Variants in LRGUK observed in about 807,000 individuals in gnomAD.
LRGUK encodes leucine-rich repeat and guanylate kinase domain-containing protein.
In LRGUK, 65 loss-of-function variants were observed where a neutral mutation model predicts 76.0. The observed-to-expected ratio is 0.85, with a 90% CI of 0.70 to 1.05. The LOEUF is 1.05. Among genes scored for constraint, LRGUK ranks in the 50% least tolerant of loss-of-function variants. LRGUK has a pLI of 0.00. For synonymous variants in LRGUK, 268 were observed against 265.6 expected, an observed-to-expected ratio of 1.01 and a Z score of -0.09; for missense variants, 758 against 732.8, an observed-to-expected ratio of 1.03 and a Z score of -0.40.
chr7:134,160,372 C>T (rs1798672506), intron 6 of LRGUK, among the ~76,000 whole-genome samples: 1 of 152,112 alleles, frequency 6.6e-6, no homozygotes, highest in African/African-American at 2.4e-5. Flanking sequence ...CACCCAAGAT[C>T]AACTAGAATA....
At chr7:134,174,457 A>C in intron 7 of LRGUK, 99 bp from the exon 8 acceptor site, 2 of 725,322 alleles carry the variant, frequency 2.8e-6, no homozygotes, top group Non-Finnish European at 4.8e-6. Context: ...TTTTAAAATA[A>C]GTTGAATTTA....
chr7:134,201,699 TC>T, intron 15 of LRGUK, 123 bp downstream of exon 15: 1 of 638,416 alleles, frequency 1.6e-6, no homozygotes, highest in Non-Finnish European at 2.7e-6. Flanking sequence ...TTCCTGTACT[TC>T]TTCTGGGGCA....
intron 1 of LRGUK, among the ~76,000 whole-genome samples, chr7:134,131,111 G>C (rs1240690418): frequency 6.6e-6 from 1 of 152,186 alleles, no homozygotes; most frequent in Non-Finnish European, 1.5e-5. Context: ...TGACTGTACA[G>C]AGCAGAAGTT....
chr7:134,234,992 A>G (rs1035926224), intron 16 of LRGUK, among the ~76,000 whole-genome samples: 1 of 152,200 alleles, frequency 6.6e-6, no homozygotes, highest in Non-Finnish European at 1.5e-5. Context: ...TCTGGAATCC[A>G]GAATCTGCCC....
intron 16 of LRGUK, among the ~76,000 whole-genome samples, chr7:134,224,741 G>A (rs540830890): frequency 6.6e-6 from 1 of 152,234 alleles, no homozygotes; most frequent in Admixed American, 6.5e-5. Context: ...GTTAGAAAAT[G>A]TTGGGGCCTA....
intron 1 of LRGUK, 94 bp from the exon 2 acceptor site, chr7:134,136,928 TA>T: frequency 9.3e-7 from 1 of 1,079,674 alleles, no homozygotes; most frequent in Non-Finnish European, 1.4e-6. Context: ...CTCCTGGGTA[TA>T]AAATATACTA....
chr7:134,273,089 G>A, the LRGUK span, among the ~76,000 whole-genome samples: 23 of 152,212 alleles, frequency 1.5e-4, no homozygotes, highest in South Asian at 4.3e-3. Flanking sequence ...ACCTCTCCAG[G>A]TGTGTGAACA....
exon 16 of LRGUK, chr7:134,221,884 T>C: frequency 6.3e-7 from 1 of 1,596,086 alleles, no homozygotes; most frequent in Non-Finnish European, 8.5e-7. Context: ...CTCATTAAAT[T>C]TTGGGCCAAA....
intron 1 of LRGUK, among the ~76,000 whole-genome samples, chr7:134,132,170 G>A (rs1427199448): frequency 6.6e-6 from 1 of 152,022 alleles, no homozygotes. Flanking sequence ...AACATAATAA[G>A]ACCCTGTCTC....
Position 134,248,926 on chromosome 7 carries a change from T to G in LRGUK, c.2073-25T>G, listed in dbSNP as rs430774. 0.024 allele frequency: 34,613 copies of G among 1,425,400 alleles called. 2,483 individuals are homozygous for G. The highest frequency in any genetic ancestry group is 0.21 in the African/African-American group (14,708 of 68,436). 88.3% of individuals were successfully genotyped at this position (1,425,400 alleles called of 1,614,324 possible). A position where few individuals can be genotyped will look rare whatever the true frequency, so the allele number is the denominator to read the frequency against. On this transcript the variant is annotated intron_variant, in intron 17 of 19. Transcript: ENST00000285928. The stretch of plus-strand genomic sequence containing the variant: ...TCTTTACAAAATCCTTTGGTTTTTT[T>G]TTTTTTTTAAATTTCCCATTCCAGG...
chr7:134,130,638 A>G (rs11971451), intron 1 of LRGUK, among the ~76,000 whole-genome samples: 20,412 of 152,208 alleles, frequency 0.13, 1,686 homozygotes, highest in East Asian at 0.31. Context: ...TATTATTCCC[A>G]TCTTAGCCTG....
intron 2 of LRGUK, among the ~76,000 whole-genome samples, chr7:134,139,156 G>C (rs1440585905): frequency 6.6e-6 from 1 of 151,994 alleles, no homozygotes; most frequent in African/African-American, 2.4e-5. Context: ...CTGTTCTAAC[G>C]GTCTCCATGA....
chr7:134,183,989 C>T, intron 11 of LRGUK, 136 bp downstream of exon 11: 9 of 1,176,002 alleles, frequency 7.7e-6, no homozygotes, highest in Non-Finnish European at 1.1e-5. Context: ...TACAAAACAA[C>T]TTAATATTTA....
At chr7:134,134,386 G>C (rs1269609630) in intron 1 of LRGUK, among the ~76,000 whole-genome samples, 2 of 152,186 alleles carry the variant, frequency 1.3e-5, no homozygotes, top group African/African-American at 4.8e-5. Context: ...GCTGGCAATA[G>C]GGTGTTGGAT....
intron 7 of LRGUK, among the ~76,000 whole-genome samples, chr7:134,171,772 T>C (rs1024359663): frequency 5.9e-5 from 9 of 152,172 alleles, no homozygotes; most frequent in Non-Finnish European, 1.2e-4. Context: ...TTTGGGGTGC[T>C]GTTGTCTCTA....
intron 19 of LRGUK, among the ~76,000 whole-genome samples, chr7:134,260,311 G>A (rs1159280381): frequency 2.6e-5 from 4 of 152,186 alleles, no homozygotes; most frequent in Non-Finnish European, 4.4e-5. Flanking sequence ...TATTGTGCTT[G>A]TAAATTTGTA....
intron 13 of LRGUK, among the ~76,000 whole-genome samples, chr7:134,197,486 C>T (rs1431570615): frequency 2.6e-5 from 4 of 152,124 alleles, no homozygotes; most frequent in Non-Finnish European, 4.4e-5. Flanking sequence ...AGAGCATGGC[C>T]TCTGTTTACA....
At chr7:134,170,605 A>G (rs1799199897) in intron 7 of LRGUK, among the ~76,000 whole-genome samples, 2 of 152,170 alleles carry the variant, frequency 1.3e-5, no homozygotes, top group African/African-American at 4.8e-5. Context: ...CCCTGATTTG[A>G]TCATTACACA....
At chr7:134,137,255 C>A in intron 2 of LRGUK, 125 bp downstream of exon 2, 1 of 682,380 alleles carries the variant, frequency 1.5e-6, no homozygotes, top group Admixed American at 2.6e-5. Context: ...TTGATGGAGA[C>A]TGGTGACAAG....
Sources: gnomAD v4.1 joint callset for allele counts (sites outside exome capture counted in the v4.1 genomes callset) on GRCh38, gnomAD v4.1.1 for gene constraint, MANE v1.5 for transcripts, NCBI Gene and HGNC (gene_info 2026-07-23, HGNC 2026-07-21) for gene names.